NUBPL: variants seen among roughly 807,000 people sequenced by gnomAD.
The protein encoded by NUBPL is iron-sulfur cluster transfer protein NUBPL.
Under a neutral mutation model 45.7 loss-of-function variants are expected in NUBPL, and 31 were observed. That is an observed-to-expected ratio of 0.68 (90% CI 0.51 to 0.92). The LOEUF is 0.92. NUBPL is among the 40% of genes least tolerant of loss of function. NUBPL has a pLI of 0.00. For synonymous variants in NUBPL, 144 were observed against 140.9 expected, an observed-to-expected ratio of 1.02 and a Z score of -0.15; for missense variants, 401 against 398.7, an observed-to-expected ratio of 1.01 and a Z score of -0.05.
At position 31,673,341 on chromosome 14, in the gene NUBPL, T is replaced by G; in HGVS notation, c.383-14T>G. On this transcript the variant is annotated splice_polypyrimidine_tract_variant and intron_variant, in intron 4 of 10. Transcript: ENST00000281081. ...TTTTATTGTTCTAAAAGAGAGGATT[T>G]TTTTTTTTTCCAGGCAACCTAATGA... 1 of 1,596,846 alleles carries G rather than the reference T, an allele frequency of 6.3e-7. No homozygotes were observed. Among genetic ancestry groups the G allele is most frequent in the Non-Finnish European group, 8.5e-7 (1 of 1,170,256 alleles).
At chr14:31,753,070 G>A (rs1023690470) in intron 6 of NUBPL, among the ~76,000 whole-genome samples, 1 of 152,202 alleles carries the variant, frequency 6.6e-6, no homozygotes, top group African/African-American at 2.4e-5. Context: ...GATGAGATTT[G>A]GGTAGTGACA....
At chr14:31,737,642 G>A (rs1365427924) in intron 6 of NUBPL, among the ~76,000 whole-genome samples, 1 of 152,074 alleles carries the variant, frequency 6.6e-6, no homozygotes, top group Non-Finnish European at 1.5e-5. Flanking sequence ...AAATTAGCCG[G>A]GCATGGTGGC....
chr14:31,711,265 C>T (rs147643028), intron 6 of NUBPL, among the ~76,000 whole-genome samples: 7,033 of 152,236 alleles, frequency 0.046, 202 homozygotes, highest in Admixed American at 0.066. Flanking sequence ...GGCAAACCAA[C>T]GCTCCCAACT....
chr14:31,628,571 T>C (rs1260488655), intron 4 of NUBPL, among the ~76,000 whole-genome samples: 2 of 152,222 alleles, frequency 1.3e-5, no homozygotes, highest in African/African-American at 4.8e-5. Flanking sequence ...CTGTGTTCTT[T>C]GAAGTCGTAG....
At chr14:31,734,908 C>T (rs1173665581) in intron 6 of NUBPL, among the ~76,000 whole-genome samples, 1 of 152,186 alleles carries the variant, frequency 6.6e-6, no homozygotes, top group Non-Finnish European at 1.5e-5. Flanking sequence ...ACCAAGAAGA[C>T]AAGTCAGTGA....
At chr14:31,811,581 G>A (rs2039806420) in intron 7 of NUBPL, among the ~76,000 whole-genome samples, 1 of 152,176 alleles carries the variant, frequency 6.6e-6, no homozygotes, top group Non-Finnish European at 1.5e-5. Flanking sequence ...GTAGCTCAGA[G>A]AAGTTTGTTA....
At position 31,561,472 on chromosome 14, in the gene NUBPL, TG is replaced by T; in HGVS notation, c.37del (p.Val13CysfsTer33). On this transcript the variant is annotated frameshift_variant, in exon 1 of 11. Transcript: ENST00000281081. LOFTEE classifies it high-confidence loss of function. Reference protein sequence around the residue: ...GIWQRLLLFGGVSLRAGGGAT... With the variant: ...GIWQRLLLFGXVSLRAGGGAT... ...TTTGGCAGCGTCTGCTGCTTTTTGG[TG>T]GGGTGTCGCTCCGGGCTGGTGGCGG... The T allele has an allele frequency of 1.4e-6, 2 of 1,415,770 alleles. No individual in the cohort carries two copies. The highest frequency in any genetic ancestry group is 9.3e-7 in the Non-Finnish European group (1 of 1,075,306). 87.7% of individuals were successfully genotyped at this position (1,415,770 alleles called of 1,614,324 possible).
chr14:31,842,872 G>A (rs2040398348), intron 8 of NUBPL, among the ~76,000 whole-genome samples: 1 of 152,018 alleles, frequency 6.6e-6, no homozygotes, highest in South Asian at 2.1e-4. Flanking sequence ...ACATTAATAT[G>A]TTATTTTCTT....
intron 6 of NUBPL, among the ~76,000 whole-genome samples, chr14:31,713,444 G>T (rs568271774): frequency 6.6e-6 from 1 of 152,084 alleles, no homozygotes; most frequent in South Asian, 2.1e-4. Context: ...GATAATTTCA[G>T]CTCCTTCGTA....
chr14:31,734,891 G>A (rs1008372891), intron 6 of NUBPL, among the ~76,000 whole-genome samples: 1 of 152,000 alleles, frequency 6.6e-6, no homozygotes, highest in Non-Finnish European at 1.5e-5. Flanking sequence ...TTAACCTCCA[G>A]GTTATAACCA....
At chr14:31,754,804 C>T (rs964169197) in intron 6 of NUBPL, among the ~76,000 whole-genome samples, 65 of 148,654 alleles carry the variant, frequency 4.4e-4, no homozygotes, top group African/African-American at 1.5e-3. Context: ...CCCATTAACT[C>T]GTCATTTAGC....
Position 31,859,504 on chromosome 14 carries a change from C to T in NUBPL, c.*324C>T. The T allele has an allele frequency of 2.7e-6, 1 of 370,758 alleles. No individual in the cohort carries two copies. 23.0% of individuals were successfully genotyped at this position (370,758 alleles called of 1,614,324 possible). On this transcript the variant is annotated 3_prime_UTR_variant, in exon 11 of 11. Coordinates refer to ENST00000281081, the MANE Select transcript of NUBPL (RefSeq NM_025152.3). ...TTGGGAGAGAACTGTACACTTTTTG[C>T]AGGACCACAGAATTAGTAATTTAAA...
At chr14:31,787,458 G>T (rs2039304452) in intron 6 of NUBPL, among the ~76,000 whole-genome samples, 1 of 152,058 alleles carries the variant, frequency 6.6e-6, no homozygotes, top group South Asian at 2.1e-4. Context: ...TCTTCTTTAG[G>T]CAAAATGTGG....
chr14:31,751,551 G>A (rs1224767343), intron 6 of NUBPL, among the ~76,000 whole-genome samples: 1 of 152,242 alleles, frequency 6.6e-6, no homozygotes, highest in Non-Finnish European at 1.5e-5. Context: ...GCTGATGCAA[G>A]GGGTGGGCTT....
intron 4 of NUBPL, among the ~76,000 whole-genome samples, chr14:31,608,042 C>G (rs115461827): frequency 0.016 from 2,448 of 152,260 alleles, 81 homozygotes; most frequent in African/African-American, 0.055. Context: ...CCTCTGGCAG[C>G]AGACTTTTCA....
At chr14:31,641,182 C>T (rs1438982977) in intron 4 of NUBPL, among the ~76,000 whole-genome samples, 1 of 152,104 alleles carries the variant, frequency 6.6e-6, no homozygotes, top group Non-Finnish European at 1.5e-5. Flanking sequence ...GATCTCTTGA[C>T]CTTGTGATCC....
intron 10 of NUBPL, among the ~76,000 whole-genome samples, chr14:31,854,937 T>C (rs1220938558): frequency 1.3e-5 from 2 of 152,252 alleles, no homozygotes; most frequent in Non-Finnish European, 2.9e-5. Context: ...GCACTTTCAG[T>C]GGTTTCTCAG....
intron 6 of NUBPL, among the ~76,000 whole-genome samples, chr14:31,755,491 G>T (rs1334720671): frequency 6.6e-6 from 1 of 152,162 alleles, no homozygotes; most frequent in Non-Finnish European, 1.5e-5. Context: ...CTTCATAAAT[G>T]TCTTCTTTTG....
chr14:31,820,108 C>G (rs1426403778), intron 7 of NUBPL, among the ~76,000 whole-genome samples: 1 of 144,488 alleles, frequency 6.9e-6, no homozygotes, highest in Non-Finnish European at 1.5e-5. Context: ...CCACTGCACT[C>G]CAGCCTGGGC....
Sources: allele counts gnomAD v4.1 joint callset (sites outside exome capture counted in the v4.1 genomes callset), GRCh38; gene constraint gnomAD v4.1.1; transcripts MANE v1.5; gene names NCBI Gene and HGNC (gene_info 2026-07-23, HGNC 2026-07-21).